The following CACNB2 variants were observed in gnomAD, a reference collection of about 807,000 sequenced individuals.
The protein encoded by CACNB2 is calcium voltage-gated channel auxiliary subunit beta 2, also known as voltage-dependent L-type calcium channel subunit beta-2.
A neutral mutation model predicts 73.3 loss-of-function variants in CACNB2; 42 were observed. The ratio of observed to expected loss-of-function variants is 0.57; its 90% CI spans 0.45 to 0.74. CACNB2 has a LOEUF of 0.74. Ranked by LOEUF, CACNB2 falls within the 30% of genes least tolerant of loss-of-function variation. The pLI, the probability that CACNB2 is intolerant of heterozygous loss-of-function variation, is 0.00. For missense variants in CACNB2, 940 were observed against 853.0 expected (o/e 1.10, Z -1.27); for synonymous variants, 348 against 310.3 (o/e 1.12, Z -1.28).
At chr10:18,327,896 A>T (rs1049634005) in intron 2 of CACNB2, among the ~76,000 whole-genome samples, 3 of 152,108 alleles carry the variant, frequency 2.0e-5, no homozygotes, top group Non-Finnish European at 2.9e-5. Context: ...CTAGTTCAAG[A>T]CTTCAGGGCA....
chr10:18,154,306 A>C (rs1564299989), intron 2 of CACNB2, among the ~76,000 whole-genome samples: 1 of 151,752 alleles, frequency 6.6e-6, no homozygotes, highest in African/African-American at 2.4e-5. Context: ...AAAAAAAAAA[A>C]CAACTTGGAG....
intron 2 of CACNB2, among the ~76,000 whole-genome samples, chr10:18,199,128 A>T (rs1198449076): frequency 1.3e-5 from 2 of 152,200 alleles, no homozygotes; most frequent in African/African-American, 4.8e-5. Flanking sequence ...TGATAGGCAC[A>T]TTGAAACTGT....
intron 11 of CACNB2, among the ~76,000 whole-genome samples, chr10:18,534,645 G>C (rs1372269579): frequency 6.6e-6 from 1 of 152,106 alleles, no homozygotes. Context: ...CGCAGTTTGA[G>C]GGGAAAAAAA....
intron 10 of CACNB2, among the ~76,000 whole-genome samples, chr10:18,531,168 G>A (rs1170140526): frequency 4.6e-5 from 7 of 152,124 alleles, no homozygotes; most frequent in South Asian, 4.1e-4. Flanking sequence ...AACACTAGCC[G>A]CAATGAAAGT....
intron 9 of CACNB2, among the ~76,000 whole-genome samples, chr10:18,524,332 A>T (rs1038617622): frequency 1.3e-5 from 2 of 152,078 alleles, no homozygotes; most frequent in Non-Finnish European, 2.9e-5. Context: ...CCATTGCCAG[A>T]ATCTTCTGTA....
In CACNB2 at chr10:18,225,248, G is replaced by A. The variant is rs188521242; in HGVS notation, c.213+74273G>A. On this transcript the variant is annotated intron_variant, in intron 2 of 13. Transcript: ENST00000324631. ...ACAAAATCCCTGGCAGAGGATGGGG[G>A]ATGGGGGAGGGTAAAGCCTGGAGAG... Among the ~76,000 whole-genome samples the A allele has an allele frequency of 1.8e-3, 271 of 152,188 alleles. 1 individual carries two copies. In the South Asian group the frequency reaches 0.018, roughly 10 times the overall value.
At chr10:18,354,529 G>A (rs2041835753) in intron 2 of CACNB2, among the ~76,000 whole-genome samples, 1 of 152,214 alleles carries the variant, frequency 6.6e-6, no homozygotes, top group Non-Finnish European at 1.5e-5. Context: ...GATTGTGTTG[G>A]ATGAAGCTGA....
chr10:18,151,749 G>GC (rs1285982332), intron 2 of CACNB2, among the ~76,000 whole-genome samples: 2 of 152,146 alleles, frequency 1.3e-5, no homozygotes, highest in Non-Finnish European at 2.9e-5. Flanking sequence ...GAAAGTAGGG[G>GC]CAGAGCATGC....
intron 2 of CACNB2, among the ~76,000 whole-genome samples, chr10:18,294,527 C>T (rs1179043929): frequency 6.6e-6 from 1 of 152,114 alleles, no homozygotes; most frequent in Admixed American, 6.5e-5. Context: ...AAAGCAAATA[C>T]CTAAGTAGTA....
chr10:18,338,573 C>T (rs1273722407), intron 2 of CACNB2, among the ~76,000 whole-genome samples: 2 of 152,052 alleles, frequency 1.3e-5, no homozygotes, highest in African/African-American at 2.4e-5. Context: ...TGAATAGTAT[C>T]CAAAATTTTA....
At chr10:18,462,454 A>G (rs193105084) in intron 3 of CACNB2, among the ~76,000 whole-genome samples, 5 of 152,178 alleles carry the variant, frequency 3.3e-5, no homozygotes, top group Admixed American at 1.3e-4. Context: ...GGGTCTTGCT[A>G]TGTTGCCCAG....
intron 3 of CACNB2, among the ~76,000 whole-genome samples, chr10:18,437,346 T>C (rs985273349): frequency 6.7e-6 from 1 of 148,284 alleles, no homozygotes; most frequent in African/African-American, 2.4e-5. Flanking sequence ...TGAGAGGTTA[T>C]GGGCATGGAC....
chr10:18,156,874 G>C (rs1929422), intron 2 of CACNB2, among the ~76,000 whole-genome samples: 25,838 of 142,348 alleles, frequency 0.18, 2,276 homozygotes, highest in African/African-American at 0.21. Flanking sequence ...ACTAAAAGTA[G>C]AAAAAAAAAA....
intron 3 of CACNB2, among the ~76,000 whole-genome samples, chr10:18,405,717 G>A (rs2044251420): frequency 6.6e-6 from 1 of 152,144 alleles, no homozygotes; most frequent in Non-Finnish European, 1.5e-5. Context: ...CAGCAATTTG[G>A]GAGGCCGAGG....
chr10:18,263,146 C>A (rs1027041626), intron 2 of CACNB2, among the ~76,000 whole-genome samples: 1 of 152,196 alleles, frequency 6.6e-6, no homozygotes, highest in African/African-American at 2.4e-5. Context: ...TCTTCTTTGA[C>A]ACTTTATGGA....
chr10:18,281,507 A>C (rs539151179), intron 2 of CACNB2, among the ~76,000 whole-genome samples: 3 of 152,200 alleles, frequency 2.0e-5, no homozygotes, highest in Non-Finnish European at 4.4e-5. Context: ...TTCAGTAGGG[A>C]CTCATTTAGT....
intron 2 of CACNB2, among the ~76,000 whole-genome samples, chr10:18,277,050 G>C (rs571342262): frequency 1.3e-5 from 2 of 152,188 alleles, no homozygotes; most frequent in Non-Finnish European, 2.9e-5. Flanking sequence ...CTGGGAGGTC[G>C]AGGCTGCAGT....
Position 18,401,963 on chromosome 10 carries a change from G to T in CACNB2, c.253G>T (p.Asp85Tyr). 1 of 1,613,944 alleles carries T rather than the reference G, an allele frequency of 6.2e-7. No individual in the cohort carries two copies. Among genetic ancestry groups the T allele is most frequent in the South Asian group, 1.1e-5 (1 of 91,076 alleles). ...DSYTSRPSDSDVSLEEDREAV... is the reference protein window; with the variant it reads ...DSYTSRPSDSYVSLEEDREAV... ...CTACACTAGCCGTCCATCCGATTCC[G>T]ATGTATCTCTGGAGGAGGACCGGGA... is the stretch of plus-strand genomic sequence containing the variant. The change falls in exon 3 of 14, where the codon GAT becomes TAT. Residue 85 changes from aspartate (D) to tyrosine (Y), a missense_variant. By Grantham distance (160) the Asp-to-Tyr change is radical. Transcript: ENST00000324631.
intron 3 of CACNB2, among the ~76,000 whole-genome samples, chr10:18,474,942 C>T (rs1364460853): frequency 6.6e-6 from 1 of 151,590 alleles, no homozygotes; most frequent in Non-Finnish European, 1.5e-5. Flanking sequence ...TGATGAGTCT[C>T]CAGGTTATCC....
Sources: gnomAD v4.1 joint callset for allele counts (sites outside exome capture counted in the v4.1 genomes callset) on GRCh38, gnomAD v4.1.1 for gene constraint, MANE v1.5 for transcripts, NCBI Gene and HGNC (gene_info 2026-07-23, HGNC 2026-07-21) for gene names.